Variants in NUP93 observed in about 807,000 individuals in gnomAD.
The protein encoded by NUP93 is nuclear pore complex protein Nup93.
NUP93 carries 55 observed loss-of-function variants against 107.8 expected under a neutral mutation model. The observed-to-expected ratio is 0.51, with a 90% confidence interval of 0.41 to 0.64. NUP93 has a LOEUF of 0.64. Ranked by LOEUF, NUP93 falls within the 30% of genes least tolerant of loss-of-function variation. NUP93 has a pLI of 0.00. For missense variants in NUP93, 937 were observed against 1,044.7 expected (o/e 0.90, Z 1.42); for synonymous variants, 390 against 397.5 (o/e 0.98, Z 0.22).
chr16:56,760,082 C>G (rs1192884816), intron 3 of NUP93, among the ~76,000 whole-genome samples: 1 of 152,180 alleles, frequency 6.6e-6, no homozygotes, highest in African/African-American at 2.4e-5. Context: ...GAAGAATACT[C>G]TCCTTCAACA....
In NUP93 at chr16:56,844,802, T is replaced by TC. The variant is rs57133386; in HGVS notation, c.*194dup. Reference sequence around the variant, plus strand: ...CATTCTTTTATTTTCTTTTTTTTTTTCTTTGAAATTTTGTTTACATTTTTA... The same window carrying TC: ...CATTCTTTTATTTTCTTTTTTTTTTTCCTTTGAAATTTTGTTTACATTTTTA... On this transcript the variant is annotated 3_prime_UTR_variant, in exon 22 of 22. Coordinates refer to ENST00000308159, the MANE Select transcript of NUP93 (RefSeq NM_014669.5). 0.75 allele frequency: 274,434 copies of TC among 367,318 alleles called. 95,653 individuals carry two copies. Among genetic ancestry groups the TC allele is most frequent in the African/African-American group, 0.93 (42,984 of 46,332 alleles). 22.8% of individuals were successfully genotyped at this position (367,318 alleles called of 1,614,324 possible). A position where few individuals can be genotyped will look rare whatever the true frequency, so the allele number is the denominator to read the frequency against.
chr16:56,832,289 A>C lies in NUP93; in HGVS notation c.1252-6A>C. 6.2e-7 allele frequency: 1 copy of C among 1,612,898 alleles called. No homozygotes were observed. Among genetic ancestry groups the C allele is most frequent in the Non-Finnish European group, 8.5e-7 (1 of 1,178,974 alleles). Reference sequence around the variant, plus strand: ...ACCAATGCATGTGTTTCTCTTGGGGATTTAGTTGAACCAAGTGTGTTTTGA... The same window carrying C: ...ACCAATGCATGTGTTTCTCTTGGGGCTTTAGTTGAACCAAGTGTGTTTTGA... On this transcript the variant is annotated splice_region_variant and splice_polypyrimidine_tract_variant and intron_variant, in intron 11 of 21. Coordinates refer to ENST00000308159, the MANE Select transcript of NUP93 (RefSeq NM_014669.5).
chr16:56,826,037 C>T (rs1051320920), intron 8 of NUP93, among the ~76,000 whole-genome samples: 1 of 152,162 alleles, frequency 6.6e-6, no homozygotes, highest in Non-Finnish European at 1.5e-5. Flanking sequence ...CTCTTCCCTG[C>T]CACATTCCAA....
At position 56,837,552 on chromosome 16, in the gene NUP93, G is replaced by A. The variant is rs1008749242; in HGVS notation, c.1900-56G>A. On this transcript the variant is annotated intron_variant, in intron 17 of 21. Transcript: ENST00000308159. ...GGTGGGTAGGGGGCATTATATAGTT[G>A]TTCCTTTTATTGATTACTTTATTGA... 6.5e-5 allele frequency: 90 copies of A among 1,382,338 alleles called. No homozygotes were observed. In the South Asian group the frequency reaches 8.5e-4, roughly 13 times the overall value. 85.6% of individuals were successfully genotyped at this position (1,382,338 alleles called of 1,614,324 possible). A position where few individuals can be genotyped will look rare whatever the true frequency, so the allele number is the denominator to read the frequency against.
intron 3 of NUP93, among the ~76,000 whole-genome samples, chr16:56,780,831 AG>A (rs1345202376): frequency 3.3e-5 from 5 of 152,118 alleles, no homozygotes; most frequent in Non-Finnish European, 7.4e-5. Flanking sequence ...GTTTTTGAGG[AG>A]AGAATGGTTC....
chr16:56,733,325 G>C (rs1363315396), intron 1 of NUP93, among the ~76,000 whole-genome samples: 1 of 152,142 alleles, frequency 6.6e-6, no homozygotes, highest in Admixed American at 6.5e-5. Flanking sequence ...AGACCTCCCT[G>C]ACCATGGGGA....
chr16:56,807,761 GCCTATAATCCCAGCATGTTGGGA>G (rs1567397801), intron 5 of NUP93, among the ~76,000 whole-genome samples: 1 of 151,804 alleles, frequency 6.6e-6, no homozygotes, highest in African/African-American at 2.4e-5. Context: ...GGTGGTTCAC[GCCTATAATCCCAGCATGTTGGGA>G]GGCCAAGGAG....
intron 7 of NUP93, among the ~76,000 whole-genome samples, chr16:56,822,994 C>G (rs1963580059): frequency 1.3e-5 from 2 of 152,152 alleles, no homozygotes; most frequent in South Asian, 2.1e-4. Flanking sequence ...TCAGTGCTAT[C>G]CTGCAAGGAC....
intron 3 of NUP93, among the ~76,000 whole-genome samples, chr16:56,770,973 A>G (rs1962310033): frequency 6.6e-6 from 1 of 152,194 alleles, no homozygotes; most frequent in African/African-American, 2.4e-5. Flanking sequence ...ATAAATTGAC[A>G]CACAGTCTGT....
At chr16:56,834,311 A>G in intron 14 of NUP93, 57 bp downstream of exon 14, 1 of 1,613,444 alleles carries the variant, frequency 6.2e-7, no homozygotes, top group Non-Finnish European at 8.5e-7. Context: ...CCATTCTGAG[A>G]ATGACTATTA....
chr16:56,740,367 G>A (rs1400925286), intron 1 of NUP93, among the ~76,000 whole-genome samples: 1 of 150,948 alleles, frequency 6.6e-6, no homozygotes, highest in Non-Finnish European at 1.5e-5. Flanking sequence ...CCGGGCAGAG[G>A]CGCTCCTCAC....
At position 56,840,109 on chromosome 16, in the gene NUP93, C is replaced by G. The variant is rs531241307; in HGVS notation, c.2220+505C>G. 1.8e-4 allele frequency among the ~76,000 whole-genome samples: 27 copies of G among 152,280 alleles called. No individual in the cohort carries two copies. The East Asian group carries it at 5.2e-3, about 29-fold the overall frequency. On this transcript the variant is annotated intron_variant, in intron 20 of 21. Coordinates refer to ENST00000308159, the MANE Select transcript of NUP93 (RefSeq NM_014669.5). ...GATCTTGGCTCACTGCAAGCTCTAC[C>G]TCCCGGGTTCACACCATTCTCCTGC...
chr16:56,743,357 T>A (rs1961769270), intron 1 of NUP93, among the ~76,000 whole-genome samples: 1 of 152,188 alleles, frequency 6.6e-6, no homozygotes, highest in South Asian at 2.1e-4. Flanking sequence ...CAGACCAGCA[T>A]GAGGAAGTAG....
intron 2 of NUP93, 31 bp downstream of exon 2, chr16:56,748,457 C>G (rs746321410): frequency 8.4e-6 from 13 of 1,554,512 alleles, no homozygotes; most frequent in South Asian, 1.2e-5. Flanking sequence ...AGCATTAGTA[C>G]TGGGTGGCTT....
At chr16:56,837,854 A>G (rs1963945390) in intron 18 of NUP93, 128 bp downstream of exon 18, 2 of 651,504 alleles carry the variant, frequency 3.1e-6, no homozygotes, top group Non-Finnish European at 5.4e-6. Context: ...TGGTTCTACT[A>G]ACTCACCATG....
At chr16:56,790,523 G>C (rs1428637490) in intron 3 of NUP93, among the ~76,000 whole-genome samples, 1 of 152,168 alleles carries the variant, frequency 6.6e-6, no homozygotes, top group Non-Finnish European at 1.5e-5. Flanking sequence ...TAGGATTTCT[G>C]TTGTGCTCAT....
Position 56,846,313 on chromosome 16 carries a change from A to C in NUP93, c.*1704A>C, listed in dbSNP as rs1388676049. 6.6e-6 allele frequency: 1 copy of C among 152,048 alleles called. No individual in the cohort carries two copies. The highest frequency in any genetic ancestry group is 1.5e-5 in the Non-Finnish European group (1 of 68,044). The allele number at this position is 152,048 out of a possible 1,614,324, so 9.4% of individuals were successfully genotyped here. ...GTAATCCCAGCTACACAGGAAGCTG[A>C]GACAGAATTGCTTGAACCCGGGAGG... On this transcript the variant is annotated 3_prime_UTR_variant, in exon 22 of 22. Transcript: ENST00000308159.
At chr16:56,813,982 T>C (rs923941683) in intron 5 of NUP93, among the ~76,000 whole-genome samples, 2 of 152,124 alleles carry the variant, frequency 1.3e-5, no homozygotes, top group African/African-American at 2.4e-5. Context: ...CTGGTTGGTG[T>C]TTTTTTCCCA....
At chr16:56,782,094 G>A (rs1236264441) in intron 3 of NUP93, 1 of 985,164 alleles carries the variant, frequency 1.0e-6, no homozygotes, top group African/African-American at 1.7e-5. Context: ...CAGGCAGTTT[G>A]GGGTGGGAAA....
Sources: gnomAD v4.1 joint callset for allele counts (sites outside exome capture counted in the v4.1 genomes callset) on GRCh38, gnomAD v4.1.1 for gene constraint, MANE v1.5 for transcripts, NCBI Gene and HGNC (gene_info 2026-07-23, HGNC 2026-07-21) for gene names.